Variants in LCMT2 observed in about 807,000 individuals in gnomAD.
LCMT2 encodes tRNA wybutosine-synthesizing protein 4.
Under a neutral mutation model 42.0 loss-of-function variants are expected in LCMT2, and 34 were observed. The observed-to-expected ratio is 0.81, with a 90% confidence interval of 0.62 to 1.08. LCMT2 has a LOEUF of 1.08. LCMT2 is among the 50% of genes least tolerant of loss of function. LCMT2 has a pLI of 0.00. For missense variants in LCMT2, 1,091 were observed against 889.4 expected (o/e 1.23, Z -2.88); for synonymous variants, 445 against 369.5 (o/e 1.20, Z -2.34).
chr15:43,330,448 C>T lies in LCMT2; in HGVS notation c.42G>A (p.Gln14=). ...TGAGGGCGCTGCTGTCGTTGGTGTTCTGTACCGCGCCTGCCCGACGCTCAC... is the reference window on the plus strand; with the variant it reads ...TGAGGGCGCTGCTGTCGTTGGTGTTTTGTACCGCGCCTGCCCGACGCTCAC... The part of the protein sequence containing the change: ...RSRERRAGAV[Q]NTNDSSALSK... The change falls in exon 1 of 1, where the codon CAG becomes CAA. Residue 14 remains glutamine (Q), a synonymous_variant. Coordinates refer to ENST00000305641, the MANE Select transcript of LCMT2 (RefSeq NM_014793.5). 1.3e-6 allele frequency: 2 copies of T among 1,536,886 alleles called. No homozygotes were observed. Among genetic ancestry groups the T allele is most frequent in the Non-Finnish European group, 1.7e-6 (2 of 1,147,976 alleles).
Position 43,330,246 on chromosome 15 carries a change from G to T in LCMT2, c.244C>A (p.Arg82Ser). ...GCGCCGAGAGACAAGATCTGCGCGC[G>T]AAGCGCGGCCTGGGGCGCGCCAATC... Reference protein sequence around the residue: ...EQIGAPQAALRAQILSLGAGF... With the variant: ...EQIGAPQAALSAQILSLGAGF... Residue 82 changes from arginine (R) to serine (S), a missense_variant, in exon 1 of 1, where the codon CGC (arginine) becomes AGC (serine). Arg to Ser is a moderately radical substitution (Grantham distance 110). Coordinates refer to ENST00000305641, the MANE Select transcript of LCMT2 (RefSeq NM_014793.5). 1.2e-6 allele frequency: 2 copies of T among 1,605,940 alleles called. No homozygotes were observed. Among genetic ancestry groups the T allele is most frequent in the Non-Finnish European group, 1.7e-6 (2 of 1,178,690 alleles).
chr15:43,329,419 T>A lies in LCMT2; in HGVS notation c.1071A>T (p.Arg357Ser). ...SSEGQVPNLK[R>S]YGHASVFLSP... The stretch of plus-strand genomic sequence containing the variant: ...TCAAGAAGACAGAGGCGTGGCCATA[T>A]CTCTTCAGGTTTGGGACCTGGCCCT... The change falls in exon 1 of 1, where the codon AGA becomes AGT. Residue 357 changes from arginine to serine, a missense_variant. Transcript: ENST00000305641. The A allele has an allele frequency of 6.2e-7, 1 of 1,614,022 alleles. No individual in the cohort carries two copies. Among genetic ancestry groups the A allele is most frequent in the Admixed American group, 1.7e-5 (1 of 60,014 alleles).
rs1264874352 is a variant in LCMT2, at chr15:43,328,879, G to A, written c.1611C>T (p.His537=). 2 of 1,613,828 alleles carry A rather than the reference G, an allele frequency of 1.2e-6. No individual in the cohort carries two copies. Among genetic ancestry groups the A allele is most frequent in the African/African-American group, 1.3e-5 (1 of 74,924 alleles). The part of the protein sequence containing the change: ...EGEVPEARHS[H]SACTWQGGAL... Reference sequence around the variant, plus strand: ...CTCCCCCTTGCCAAGTGCAGGCACTGTGAGAATGCCGGGCTTCAGGTACTT... The same window carrying A: ...CTCCCCCTTGCCAAGTGCAGGCACTATGAGAATGCCGGGCTTCAGGTACTT... The change falls in exon 1 of 1, where the codon CAC becomes CAT. Residue 537 remains histidine, a synonymous_variant. Transcript: ENST00000305641.
rs1404804111 is a variant in LCMT2, at chr15:43,328,944, C to A, written c.1546G>T (p.Val516Leu). Residue 516 changes from valine (V) to leucine (L), a missense_variant, in exon 1 of 1, where the codon GTA becomes TTA. Transcript: ENST00000305641. ...PVLSDWHFLH[V>L]GTMAWVRIPV... is the part of the protein sequence containing the mutation. ...ATCCTGACCCAAGCCATTGTCCCTA[C>A]ATGGAGGAAATGCCAGTCACTTAGT... 6.2e-7 allele frequency: 1 copy of A among 1,614,090 alleles called. No homozygotes were observed. Among genetic ancestry groups the A allele is most frequent in the Non-Finnish European group, 8.5e-7 (1 of 1,180,054 alleles).
Position 43,330,231 on chromosome 15 carries a change from A to G in LCMT2, c.259T>C (p.Ser87Pro). 6.2e-7 allele frequency: 1 copy of G among 1,608,680 alleles called. No individual in the cohort carries two copies. Among genetic ancestry groups the G allele is most frequent in the Non-Finnish European group, 8.5e-7 (1 of 1,179,256 alleles). The change falls in exon 1 of 1, where the codon TCT becomes CCT. Residue 87 changes from serine to proline, a missense_variant. Ser to Pro is a moderately conservative substitution (Grantham distance 74, BLOSUM62 -1). Coordinates refer to ENST00000305641, the MANE Select transcript of LCMT2 (RefSeq NM_014793.5). ...AGCGAGTCGAAGCCAGCGCCGAGAG[A>G]CAAGATCTGCGCGCGAAGCGCGGCC... Reference protein sequence around the residue: ...PQAALRAQILSLGAGFDSLYF... With the variant: ...PQAALRAQILPLGAGFDSLYF...
At position 43,328,450 on chromosome 15, in the gene LCMT2, AG is replaced by A; in HGVS notation, c.2039del (p.Ser680PhefsTer3). 1 of 1,613,980 alleles carries A rather than the reference AG, an allele frequency of 6.2e-7. No individual in the cohort carries two copies. The highest frequency in any genetic ancestry group is 8.5e-7 in the Non-Finnish European group (1 of 1,179,926). On this transcript the variant is annotated frameshift_variant, in exon 1 of 1. Coordinates refer to ENST00000305641, the MANE Select transcript of LCMT2 (RefSeq NM_014793.5). LOFTEE classifies it high-confidence loss of function. ...FNPHTVTLDL[S>X]SLSAGQ The stretch of plus-strand genomic sequence containing the variant: ...GTCCTTACTGCCCAGCACTTAAGGA[AG>A]AAAGGTCTAATGTGACTGTATGGGG...
In LCMT2 at chr15:43,328,698, G is replaced by C. The variant is rs2043133966; in HGVS notation, c.1792C>G (p.Leu598Val). The part of the protein sequence containing the change: ...SHTAHVLNGK[L>V]LLVGGIWIHS... ...ATCCAGATCCCTCCAACCAGTAACA[G>C]CTTTCCATTGAGCACATGAGCTGTG... is the stretch of plus-strand genomic sequence containing the variant. The change falls in exon 1 of 1, where the codon CTG (leucine) becomes GTG (valine). Residue 598 changes from leucine (L) to valine (V), a missense_variant. By Grantham distance (32) the Leu-to-Val change is conservative (BLOSUM62 1). Coordinates refer to ENST00000305641, the MANE Select transcript of LCMT2 (RefSeq NM_014793.5). The C allele has an allele frequency of 3.7e-6, 6 of 1,614,224 alleles. No individual in the cohort carries two copies. The East Asian group carries it at 1.3e-4, about 36-fold the overall frequency.
In LCMT2 at chr15:43,329,712, G is replaced by C. The variant is rs1347151761; in HGVS notation, c.778C>G (p.Gln260Glu). 1.2e-6 allele frequency: 2 copies of C among 1,613,418 alleles called. No individual in the cohort carries two copies. The highest frequency in any genetic ancestry group is 1.3e-5 in the African/African-American group (1 of 75,076). ...GCACCGCAGGCGGTCCAGCCAGCTTGAAGGAAGCGGCGCCGCTGCGCCTCC... is the reference window on the plus strand; with the variant it reads ...GCACCGCAGGCGGTCCAGCCAGCTTCAAGGAAGCGGCGCCGCTGCGCCTCC... ...DVEAQRRRFLQAGWTACGAVD... is the reference protein window; with the variant it reads ...DVEAQRRRFLEAGWTACGAVD... The change falls in exon 1 of 1, where the codon CAA becomes GAA. Residue 260 changes from glutamine (Q) to glutamate (E), a missense_variant. By Grantham distance (29) the Gln-to-Glu change is conservative (BLOSUM62 2). Coordinates refer to ENST00000305641, the MANE Select transcript of LCMT2 (RefSeq NM_014793.5).
rs2043145046 is a variant in LCMT2 at position 43,329,228 on chromosome 15, G to C, written c.1262C>G (p.Thr421Ser). The C allele has an allele frequency of 6.2e-7, 1 of 1,613,864 alleles. No homozygotes were observed. The highest frequency in any genetic ancestry group is 1.7e-5 in the Admixed American group (1 of 59,990). ...CCGACTCTCTGAGAGTCTTGTCATG[G>C]TGTGATAAAGGCGTCCATCCCACTG... ...GVQWDGRLYH[T>S]MTRLSESRVL... The change falls in exon 1 of 1, where the codon ACC (threonine) becomes AGC (serine). Residue 421 changes from threonine to serine, a missense_variant. By Grantham distance (58) the Thr-to-Ser change is moderately conservative. Transcript: ENST00000305641.
Position 43,329,666 on chromosome 15 carries a change from T to C in LCMT2, c.824A>G (p.Tyr275Cys), listed in dbSNP as rs1355172280. The C allele has an allele frequency of 1.9e-6, 3 of 1,613,780 alleles. No individual in the cohort carries two copies. The highest frequency in any genetic ancestry group is 2.5e-6 in the Non-Finnish European group (3 of 1,180,008). The change falls in exon 1 of 1, where the codon TAT becomes TGT. Residue 275 changes from tyrosine to cysteine, a missense_variant. Physicochemically the swap from Tyr to Cys is radical, Grantham distance 194. Transcript: ENST00000305641. ...TTCTTCTGCGGGAAGAAAGCAGTGA[T>C]AGAATTCATTCATGTCCACGGCACC... is the stretch of plus-strand genomic sequence containing the variant. The part of the protein sequence containing the change: ...ACGAVDMNEF[Y>C]HCFLPAEERR...
At position 43,330,348 on chromosome 15, in the gene LCMT2, G is replaced by C. The variant is rs756129136; in HGVS notation, c.142C>G (p.Arg48Gly). Residue 48 changes from arginine to glycine, a missense_variant, in exon 1 of 1, where the codon CGC (arginine) becomes GGC (glycine). By Grantham distance (125) the Arg-to-Gly change is moderately radical. Coordinates refer to ENST00000305641, the MANE Select transcript of LCMT2 (RefSeq NM_014793.5). ...AALLVPGAAR[R>G]APLIHRGYYV... The stretch of plus-strand genomic sequence containing the variant: ...TAGCCTCGGTGAATGAGCGGTGCGC[G>C]GCGCGCCGCGCCCGGAACCAGCAAC... 1.2e-5 allele frequency: 19 copies of C among 1,601,722 alleles called. No homozygotes were observed. Among genetic ancestry groups the C allele is most frequent in the South Asian group, 1.1e-4 (10 of 90,642 alleles).
rs749068819 is a variant in LCMT2, at chr15:43,328,975, T to G, written c.1515A>C (p.Glu505Asp). The G allele has an allele frequency of 6.2e-7, 1 of 1,613,216 alleles. No homozygotes were observed. Among genetic ancestry groups the G allele is most frequent in the South Asian group, 1.1e-5 (1 of 91,082 alleles). Residue 505 changes from glutamate (E) to aspartate (D), a missense_variant, in exon 1 of 1, where the codon GAA (glutamate) becomes GAC (aspartate). Glu to Asp is a conservative substitution (Grantham distance 45, BLOSUM62 2). Coordinates refer to ENST00000305641, the MANE Select transcript of LCMT2 (RefSeq NM_014793.5). ...GGAAATGCCAGTCACTTAGTACAGGTTCCACCACGCTTCGACCCCCATACA... is the reference window on the plus strand; with the variant it reads ...GGAAATGCCAGTCACTTAGTACAGGGTCCACCACGCTTCGACCCCCATACA... ...LFVYGGRSVVEPVLSDWHFLH... is the reference protein window; with the variant it reads ...LFVYGGRSVVDPVLSDWHFLH...
chr15:43,329,839 G>A lies in LCMT2; in HGVS notation c.651C>T (p.Val217=). 6.2e-7 allele frequency: 1 copy of A among 1,613,924 alleles called. No homozygotes were observed. The highest frequency in any genetic ancestry group is 8.5e-7 in the Non-Finnish European group (1 of 1,180,028). ...CGTCTTGAGGCCTCATCTGCTCATA[G>A]ACCACGAAAAGGGCATTAGGAAAAC... ...AQRFPNALFV[V]YEQMRPQDAF... The change falls in exon 1 of 1, where the codon GTC becomes GTT. Residue 217 remains valine (V), a synonymous_variant. Transcript: ENST00000305641.
rs1372531589 is a variant in LCMT2, at chr15:43,329,975, A to AG, written c.514dup (p.Leu172ProfsTer41). 6.2e-7 allele frequency: 1 copy of AG among 1,612,464 alleles called. No homozygotes were observed. The highest frequency in any genetic ancestry group is 8.5e-7 in the Non-Finnish European group (1 of 1,179,788). ...GGCTGCGTCGAGCCCCGCGGCGCCC[A>AG]GGGCCTCCTCCACTCGCTGGAGCTG... is the stretch of plus-strand genomic sequence containing the variant. On this transcript the variant is annotated frameshift_variant, in exon 1 of 1. Transcript: ENST00000305641. LOFTEE classifies it high-confidence loss of function.
At position 43,329,724 on chromosome 15, in the gene LCMT2, G is replaced by A. The variant is rs757271214; in HGVS notation, c.766C>T (p.Arg256Cys). Residue 256 changes from arginine to cysteine, a missense_variant, in exon 1 of 1, where the codon CGC (arginine) becomes TGC (cysteine). By Grantham distance (180) the Arg-to-Cys change is radical. Coordinates refer to ENST00000305641, the MANE Select transcript of LCMT2 (RefSeq NM_014793.5). ...GTCCAGCCAGCTTGAAGGAAGCGGCGCCGCTGCGCCTCCACGTCAGGAAAA... is the reference window on the plus strand; with the variant it reads ...GTCCAGCCAGCTTGAAGGAAGCGGCACCGCTGCGCCTCCACGTCAGGAAAA... The part of the protein sequence containing the change: ...ERFPDVEAQR[R>C]RFLQAGWTAC... 1.5e-5 allele frequency: 24 copies of A among 1,613,228 alleles called. No homozygotes were observed. The East Asian group carries it at 5.3e-4, about 36-fold the overall frequency.
At position 43,329,521 on chromosome 15, in the gene LCMT2, A is replaced by C; in HGVS notation, c.969T>G (p.Phe323Leu). The C allele has an allele frequency of 1.9e-6, 3 of 1,614,222 alleles. No individual in the cohort carries two copies. Among genetic ancestry groups the C allele is most frequent in the Middle Eastern group, 1.6e-4 (1 of 6,062 alleles). The change falls in exon 1 of 1, where the codon TTT becomes TTG. Residue 323 changes from phenylalanine to leucine, a missense_variant. Coordinates refer to ENST00000305641, the MANE Select transcript of LCMT2 (RefSeq NM_014793.5). ...RGDTLSHTLV[F>L]PSSEAFPRVN... is the part of the protein sequence containing the mutation. ...CGCGAGGAAATGCCTCTGAGGATGG[A>C]AACACTAGGGTGTGGGAGAGGGTGT...
rs772820668 is a variant in LCMT2, at chr15:43,329,655, G to A, written c.835C>T (p.Leu279Phe). The A allele has an allele frequency of 3.7e-6, 6 of 1,613,766 alleles. No individual in the cohort carries two copies. In the African/African-American group the frequency reaches 4.0e-5, roughly 11 times the overall value. The change falls in exon 1 of 1, where the codon CTT becomes TTT. Residue 279 changes from leucine to phenylalanine, a missense_variant. Leu to Phe is a conservative substitution (Grantham distance 22). Transcript: ENST00000305641. ...VDMNEFYHCF[L>F]PAEERRRVEN... ...ACCCGCCGGCGTTCTTCTGCGGGAA[G>A]AAAGCAGTGATAGAATTCATTCATG... is the stretch of plus-strand genomic sequence containing the variant.
rs888691128 is a variant in LCMT2 at position 43,328,728 on chromosome 15, AGT to A, written c.1760_1761del (p.Tyr587PhefsTer39). On this transcript the variant is annotated frameshift_variant, in exon 1 of 1. Transcript: ENST00000305641. LOFTEE classifies it high-confidence loss of function. ...CCATTGAGCACATGAGCTGTGTGGG[AGT>A]ACCTTGGGGTAATGGGAGGCTGGAT... ...VDIQPPITPR[Y>X]SHTAHVLNGK... 2 of 1,613,964 alleles carry A rather than the reference AGT, an allele frequency of 1.2e-6. No homozygotes were observed. The highest frequency in any genetic ancestry group is 1.3e-5 in the African/African-American group (1 of 74,910).
chr15:43,325,549 A>G lies in LCMT2; in HGVS notation c.*2880T>C, dbSNP rs1367110095. The stretch of plus-strand genomic sequence containing the variant: ...AGGTGGAGGGCATGCTTAATCTGGT[A>G]ATCACTTATAGGAAATGTGGGTAAT... On this transcript the variant is annotated 3_prime_UTR_variant, in exon 1 of 1. Transcript: ENST00000305641. The G allele has an allele frequency of 6.6e-6, 1 of 152,226 alleles. No individual in the cohort carries two copies. The highest frequency in any genetic ancestry group is 1.9e-4 in the East Asian group (1 of 5,198). The allele number at this position is 152,226 out of a possible 1,614,324, so 9.4% of individuals were successfully genotyped here.
Sources: gnomAD v4.1 joint callset for allele counts on GRCh38, gnomAD v4.1.1 for gene constraint, MANE v1.5 for transcripts, NCBI Gene and HGNC (gene_info 2026-07-23, HGNC 2026-07-21) for gene names.